ADAP2: variants seen among roughly 807,000 people sequenced by gnomAD.
ADAP2 encodes the protein ArfGAP with dual PH domains 2.
Under a neutral mutation model 54.9 loss-of-function variants are expected in ADAP2, and 42 were observed. The observed-to-expected ratio is 0.77, with a 90% CI of 0.60 to 0.99. ADAP2 has a LOEUF of 0.99. Among genes scored for constraint, ADAP2 ranks in the 50% least tolerant of loss-of-function variants. The pLI is 0.00. For missense variants in ADAP2, 429 were observed against 480.4 expected (o/e 0.89, Z 1.00); for synonymous variants, 177 against 180.1 (o/e 0.98, Z 0.14).
chr17:30,924,014 A>G (rs1040207589), intron 2 of ADAP2, among the ~76,000 whole-genome samples: 3 of 152,106 alleles, frequency 2.0e-5, no homozygotes, highest in East Asian at 3.9e-4. Flanking sequence ...ACTACCACCA[A>G]TGTCACAGCA....
intron 7 of ADAP2, among the ~76,000 whole-genome samples, chr17:30,950,321 G>A (rs954892296): frequency 6.6e-6 from 1 of 152,134 alleles, no homozygotes; most frequent in African/African-American, 2.4e-5. Flanking sequence ...TCTCAGGCTG[G>A]GCCAGGGAGA....
intron 5 of ADAP2, among the ~76,000 whole-genome samples, chr17:30,941,107 G>C (rs947527317): frequency 1.3e-5 from 2 of 152,180 alleles, no homozygotes; most frequent in African/African-American, 4.8e-5. Flanking sequence ...TGAAAGCTCT[G>C]CTCTTGTCTG....
intron 3 of ADAP2, among the ~76,000 whole-genome samples, chr17:30,930,757 G>A (rs1294716823): frequency 6.6e-6 from 1 of 152,152 alleles, no homozygotes; most frequent in East Asian, 1.9e-4. Flanking sequence ...TATATACCTT[G>A]GAACACTTCC....
chr17:30,940,635 A>G (rs1013708828), intron 5 of ADAP2, among the ~76,000 whole-genome samples: 1 of 152,194 alleles, frequency 6.6e-6, no homozygotes, highest in African/African-American at 2.4e-5. Context: ...ATTAGAAAAC[A>G]AAAAGAAGTT....
At chr17:30,944,739 C>T (rs1407561649) in intron 5 of ADAP2, among the ~76,000 whole-genome samples, 168 bp from the exon 6 acceptor site, 2 of 152,074 alleles carry the variant, frequency 1.3e-5, no homozygotes, top group Admixed American at 6.5e-5. Context: ...GGATTACAGG[C>T]GTAAGCCACT....
intron 5 of ADAP2, among the ~76,000 whole-genome samples, chr17:30,941,613 T>C (rs1912275635): frequency 6.6e-6 from 1 of 152,236 alleles, no homozygotes; most frequent in Non-Finnish European, 1.5e-5. Context: ...TGAGTTTATT[T>C]TGGTGCAAAA....
chr17:30,925,879 C>T (rs1056130862), intron 2 of ADAP2, among the ~76,000 whole-genome samples: 1 of 152,106 alleles, frequency 6.6e-6, no homozygotes, highest in African/African-American at 2.4e-5. Flanking sequence ...CCTGCCTCAC[C>T]TTTCTGTGTC....
In ADAP2 at chr17:30,934,212, G is replaced by C. The variant is rs755735435; in HGVS notation, c.425G>C (p.Arg142Pro). Residue 142 changes from arginine to proline, a missense_variant, in exon 5 of 11, where the codon CGA becomes CCA. Transcript: ENST00000330889. ...PGNREGFLWK[R>P]GRDNSQFLRR... ...AACCGAGAAGGATTCCTGTGGAAGC[G>C]AGGAAGGGACAACTCACAGTTTCTG... The C allele has an allele frequency of 1.2e-6, 2 of 1,613,974 alleles. No individual in the cohort carries two copies. Among genetic ancestry groups the C allele is most frequent in the African/African-American group, 2.7e-5 (2 of 74,912 alleles).
intron 6 of ADAP2, 62 bp downstream of exon 6, chr17:30,945,115 G>A (rs1363427686): frequency 6.4e-7 from 1 of 1,573,148 alleles, no homozygotes; most frequent in Non-Finnish European, 8.7e-7. Flanking sequence ...GGCAGGTGCA[G>A]CTCACCACCT....
chr17:30,943,916 G>T (rs1598045435), intron 5 of ADAP2, among the ~76,000 whole-genome samples: 1 of 150,968 alleles, frequency 6.6e-6, no homozygotes, highest in Admixed American at 6.6e-5. Flanking sequence ...ATTGGCCGGG[G>T]GCGGTGGCTC....
intron 5 of ADAP2, among the ~76,000 whole-genome samples, chr17:30,943,492 A>G (rs184015795): frequency 2.7e-3 from 416 of 152,320 alleles, no homozygotes; most frequent in Non-Finnish European, 4.6e-3. Flanking sequence ...ATGCCCATCA[A>G]TGGTGGACTG....
At chr17:30,930,358 C>T (rs1015494069) in intron 3 of ADAP2, among the ~76,000 whole-genome samples, 1 of 152,072 alleles carries the variant, frequency 6.6e-6, no homozygotes, top group Non-Finnish European at 1.5e-5. Flanking sequence ...AAGTGTGAGC[C>T]ACTGCGCCTG....
rs560440060 is a variant in ADAP2, at chr17:30,956,049, G to A, written c.883-192G>A. Among the ~76,000 whole-genome samples the A allele has an allele frequency of 1.2e-3, 179 of 152,198 alleles. 2 individuals are homozygous for A. Among genetic ancestry groups the A allele is most frequent in the South Asian group, 2.5e-3 (12 of 4,818 alleles). On this transcript the variant is annotated intron_variant, in intron 9 of 10. Transcript: ENST00000330889. ...GCATGAACTACCAGGCCCACCCTCGGTATCTTTTCAATAGATGATGTGTAT... is the reference window on the plus strand; with the variant it reads ...GCATGAACTACCAGGCCCACCCTCGATATCTTTTCAATAGATGATGTGTAT...
intron 6 of ADAP2, among the ~76,000 whole-genome samples, chr17:30,946,967 C>A (rs1912727305): frequency 6.6e-6 from 1 of 152,142 alleles, no homozygotes; most frequent in South Asian, 2.1e-4. Context: ...ACTGAGGCAC[C>A]CAAGGTCTCT....
intron 1 of ADAP2, 44 bp from the exon 2 acceptor site, chr17:30,922,896 A>G: frequency 6.2e-7 from 1 of 1,601,884 alleles, no homozygotes; most frequent in Non-Finnish European, 8.5e-7. Flanking sequence ...TGGTTTCTTC[A>G]CCGCGCTTTC....
In ADAP2 at chr17:30,957,976, C is replaced by G; in HGVS notation, c.*107C>G. 9.2e-7 allele frequency: 1 copy of G among 1,088,880 alleles called. No homozygotes were observed. Among genetic ancestry groups the G allele is most frequent in the Non-Finnish European group, 1.4e-6 (1 of 724,550 alleles). 67.5% of individuals were successfully genotyped at this position (1,088,880 alleles called of 1,614,324 possible). On this transcript the variant is annotated 3_prime_UTR_variant, in exon 11 of 11. Coordinates refer to ENST00000330889, the MANE Select transcript of ADAP2 (RefSeq NM_018404.3). ...ACCATCAGTGCCCCGCAGTCAGCAGCCATTCCTGGCAGTGAACTCTGCCAG... is the reference window on the plus strand; with the variant it reads ...ACCATCAGTGCCCCGCAGTCAGCAGGCATTCCTGGCAGTGAACTCTGCCAG...
chr17:30,949,975 C>T (rs1024666194), intron 7 of ADAP2, among the ~76,000 whole-genome samples: 6 of 152,166 alleles, frequency 3.9e-5, no homozygotes, highest in African/African-American at 1.4e-4. Context: ...TCTTTCTGAA[C>T]CCTTCTCCCT....
intron 2 of ADAP2, among the ~76,000 whole-genome samples, chr17:30,923,475 C>T (rs551375059): frequency 1.2e-3 from 183 of 151,106 alleles, no homozygotes; most frequent in African/African-American, 4.2e-3. Context: ...ATGTTGGTCA[C>T]GCTGGTCTCG....
rs772979991 is a variant in ADAP2, at chr17:30,923,038, C to T, written c.193C>T (p.Arg65Ter). 11 of 1,613,738 alleles carry T rather than the reference C, an allele frequency of 6.8e-6. No individual in the cohort carries two copies. Among genetic ancestry groups the T allele is most frequent in the Admixed American group, 1.7e-5 (1 of 59,962 alleles). Reference sequence around the variant, plus strand: ...TGACATCAGCAGAGTTAAATCTGTGCGACTTGACTTCTGGGACGACAGTAT... The same window carrying T: ...TGACATCAGCAGAGTTAAATCTGTGTGACTTGACTTCTGGGACGACAGTAT... Reference protein sequence around the residue: ...FPDISRVKSVRLDFWDDSIVE... With the variant: ...FPDISRVKSV The change falls in exon 2 of 11, where the codon CGA becomes TGA. Residue 65 changes from arginine (R) to a stop codon, truncating the protein, a stop_gained. Transcript: ENST00000330889. LOFTEE classifies it high-confidence loss of function.
Sources: allele counts gnomAD v4.1 joint callset (sites outside exome capture counted in the v4.1 genomes callset), GRCh38; gene constraint gnomAD v4.1.1; transcripts MANE v1.5; gene names NCBI Gene and HGNC (gene_info 2026-07-23, HGNC 2026-07-21).